The following RPS6KA2 variants were observed in gnomAD, a reference collection of about 807,000 sequenced individuals.
The protein encoded by RPS6KA2 is ribosomal protein S6 kinase alpha-2.
In RPS6KA2, 42 loss-of-function variants were observed where a neutral mutation model predicts 91.8. The ratio of observed to expected loss-of-function variants is 0.46; its 90% confidence interval spans 0.36 to 0.59. RPS6KA2 has a LOEUF of 0.59. RPS6KA2 is among the 20% of genes least tolerant of loss of function. The probability of loss-of-function intolerance (pLI) is 0.00; values close to 1 mark genes in which losing one functional copy is unlikely to be tolerated. For missense variants in RPS6KA2, 798 were observed against 978.5 expected (o/e 0.82, Z 2.46); for synonymous variants, 414 against 393.6 (o/e 1.05, Z -0.61).
At chr6:166,678,741 AC>A (rs1349738528) in intron 2 of RPS6KA2, among the ~76,000 whole-genome samples, 4 of 152,324 alleles carry the variant, frequency 2.6e-5, no homozygotes, top group African/African-American at 9.6e-5. Flanking sequence ...CTGGCAAGCG[AC>A]AAAGAAAGGG....
chr6:166,607,118 G>A (rs182703089), intron 1 of RPS6KA2, among the ~76,000 whole-genome samples: 3 of 147,968 alleles, frequency 2.0e-5, no homozygotes, highest in Non-Finnish European at 4.4e-5. Flanking sequence ...CTCCAGCCTG[G>A]GCAACAAGAG....
rs564270262 is a variant in RPS6KA2 at position 166,429,813 on chromosome 6, T to C, written c.1581+640A>G. 2.7e-4 allele frequency among the ~76,000 whole-genome samples: 41 copies of C among 152,318 alleles called. No individual in the cohort carries two copies. The South Asian group carries it at 3.9e-3, about 15-fold the overall frequency. ...AAGTTCTAACAACTCCTTGGAGTTA[T>C]TCATGGCTGGGTGCTCCCGTGTGTA... On this transcript the variant is annotated intron_variant, in intron 16 of 20. Transcript: ENST00000265678.
intron 2 of RPS6KA2, among the ~76,000 whole-genome samples, chr6:166,812,041 C>T (rs1436788864): frequency 6.6e-6 from 1 of 152,158 alleles, no homozygotes; most frequent in African/African-American, 2.4e-5. Flanking sequence ...GTCATCATCT[C>T]ATCCTGGAAA....
chr6:166,659,051 A>G (rs1788083037), intron 2 of RPS6KA2, among the ~76,000 whole-genome samples: 1 of 150,514 alleles, frequency 6.6e-6, no homozygotes, highest in Non-Finnish European at 1.5e-5. Flanking sequence ...GGGAGGTAAG[A>G]AGCTCCCCAC....
At chr6:166,746,483 C>A (rs150634428) in intron 2 of RPS6KA2, among the ~76,000 whole-genome samples, 1 of 152,344 alleles carries the variant, frequency 6.6e-6, no homozygotes, top group African/African-American at 2.4e-5. Context: ...CTGGGGATTT[C>A]TTCCCAGCAG....
chr6:166,496,478 C>T (rs539518666), intron 8 of RPS6KA2, among the ~76,000 whole-genome samples: 1 of 152,236 alleles, frequency 6.6e-6, no homozygotes, highest in African/African-American at 2.4e-5. Flanking sequence ...CAAATCTCCC[C>T]TCCCCCTGTC....
chr6:166,514,867 G>A (rs1179378518), intron 3 of RPS6KA2, among the ~76,000 whole-genome samples: 1 of 152,174 alleles, frequency 6.6e-6, no homozygotes, highest in African/African-American at 2.4e-5. Context: ...GGCGACTGGT[G>A]GAGAAATTAG....
intron 8 of RPS6KA2, 125 bp downstream of exon 8, chr6:166,498,382 GC>G: frequency 9.1e-7 from 1 of 1,098,588 alleles, no homozygotes; most frequent in East Asian, 2.8e-5. Context: ...CTGGACACTT[GC>G]CCAGTGTCCC....
intron 2 of RPS6KA2, among the ~76,000 whole-genome samples, chr6:166,672,529 T>C (rs544793065): frequency 6.6e-6 from 1 of 152,212 alleles, no homozygotes; most frequent in African/African-American, 2.4e-5. Flanking sequence ...TCGCTTTATT[T>C]GCAGGCAGCA....
chr6:166,817,206 C>G (rs548907948), intron 2 of RPS6KA2, among the ~76,000 whole-genome samples: 1 of 152,282 alleles, frequency 6.6e-6, no homozygotes, highest in South Asian at 2.1e-4. Context: ...TGCTGCTCCC[C>G]CCTTAGCACC....
At chr6:166,471,457 A>G (rs762836247) in intron 10 of RPS6KA2, among the ~76,000 whole-genome samples, 2 of 152,218 alleles carry the variant, frequency 1.3e-5, no homozygotes, top group Non-Finnish European at 2.9e-5. Context: ...GGCCAGGGCC[A>G]TGGTGCTAGG....
intron 11 of RPS6KA2, chr6:166,463,211 C>T (rs1205905519): frequency 1.3e-5 from 2 of 152,220 alleles, no homozygotes; most frequent in South Asian, 2.1e-4. Flanking sequence ...ATGTGCAAAC[C>T]TAAGAACGGG....
intron 2 of RPS6KA2, among the ~76,000 whole-genome samples, chr6:166,647,105 C>A (rs1339810125): frequency 6.6e-6 from 1 of 152,178 alleles, no homozygotes; most frequent in Non-Finnish European, 1.5e-5. Context: ...TGCCAGAAAT[C>A]GTTCTGAGTC....
chr6:166,713,644 G>A (rs777030737), intron 2 of RPS6KA2, among the ~76,000 whole-genome samples: 2 of 152,202 alleles, frequency 1.3e-5, no homozygotes, highest in African/African-American at 4.8e-5. Flanking sequence ...ACAGATGCAC[G>A]ATTTATGTGT....
intron 2 of RPS6KA2, among the ~76,000 whole-genome samples, chr6:166,778,006 AAATTT>A (rs1455281051): frequency 2.0e-5 from 3 of 152,268 alleles, no homozygotes; most frequent in South Asian, 2.1e-4. Context: ...GTCAATCTGT[AAATTT>A]AATTTAATAA....
chr6:166,494,346 C>A lies in RPS6KA2; in HGVS notation c.748-3605G>T, dbSNP rs1026541772. On this transcript the variant is annotated intron_variant, in intron 8 of 20. Coordinates refer to ENST00000265678, the MANE Select transcript of RPS6KA2 (RefSeq NM_021135.6). The surrounding 1 kb of genome is among the most constrained non-coding windows in gnomAD (Gnocchi z 5.1). The stretch of plus-strand genomic sequence containing the variant: ...AGGTGCCGTTCCTCACAACCGTCTA[C>A]AGATGAATGGTCCAGTGGCAAGCAG... Among the ~76,000 whole-genome samples the A allele has an allele frequency of 4.6e-5, 7 of 152,170 alleles. No homozygotes were observed. The highest frequency in any genetic ancestry group is 1.4e-4 in the African/African-American group (6 of 41,438).
intron 1 of RPS6KA2, among the ~76,000 whole-genome samples, chr6:166,602,728 C>G (rs9295356): frequency 0.12 from 17,798 of 152,218 alleles, 1,164 homozygotes; most frequent in East Asian, 0.33. Context: ...CCAGGGAAAT[C>G]GTAGCCTCCA....
chr6:166,446,474 C>T (rs540896375), intron 14 of RPS6KA2, among the ~76,000 whole-genome samples: 94 of 152,310 alleles, frequency 6.2e-4, no homozygotes, highest in Non-Finnish European at 1.1e-3. Context: ...GAAAGAGAAA[C>T]AGGAAGACCG....
At chr6:166,633,078 G>A (rs561566461) in intron 2 of RPS6KA2, among the ~76,000 whole-genome samples, 6 of 152,194 alleles carry the variant, frequency 3.9e-5, no homozygotes, top group Non-Finnish European at 5.9e-5. Flanking sequence ...AAATTAGTTG[G>A]ATGTGGTGGT....
Sources: gnomAD v4.1 joint callset for allele counts (sites outside exome capture counted in the v4.1 genomes callset) on GRCh38, gnomAD v4.1.1 for gene constraint, Gnocchi (gnomAD v3.1) non-coding constraint, MANE v1.5 for transcripts, NCBI Gene and HGNC (gene_info 2026-07-23, HGNC 2026-07-21) for gene names.